Variants in ACSS3 observed in about 807,000 individuals in gnomAD.
ACSS3 encodes acyl-CoA synthetase short chain family member 3.
In ACSS3, 64 loss-of-function variants were observed where a neutral mutation model predicts 84.2. The ratio of observed to expected loss-of-function variants is 0.76; its 90% CI spans 0.62 to 0.94. ACSS3 has a LOEUF of 0.94. Among genes scored for constraint, ACSS3 ranks in the 40% least tolerant of loss-of-function variants. The probability of loss-of-function intolerance (pLI) is 0.00; values close to 1 mark genes in which losing one functional copy is unlikely to be tolerated. For synonymous variants in ACSS3, 317 were observed against 310.1 expected (o/e 1.02, Z -0.23); for missense variants, 815 against 867.6 (o/e 0.94, Z 0.76).
intron 13 of ACSS3, among the ~76,000 whole-genome samples, chr12:81,247,120 G>A (rs1053673867): frequency 6.6e-6 from 1 of 151,842 alleles, no homozygotes; most frequent in Non-Finnish European, 1.5e-5. Flanking sequence ...GTTTTTAAAC[G>A]ACTCTAAATT....
rs2034366005 is a variant in ACSS3 at position 81,257,839 on chromosome 12, C to G, written c.*2917C>G. ...ATAAATTAAAACATATTTTATGCTT[C>G]TTTTTTGAGGGAAATACCTGGATCT... is the stretch of plus-strand genomic sequence containing the variant. On this transcript the variant is annotated 3_prime_UTR_variant, in exon 16 of 16. Coordinates refer to ENST00000548058, the MANE Select transcript of ACSS3 (RefSeq NM_024560.4). The G allele has an allele frequency of 4.0e-5, 6 of 151,858 alleles. No individual in the cohort carries two copies. Among genetic ancestry groups the G allele is most frequent in the Admixed American group, 3.9e-4 (6 of 15,240 alleles). 9.4% of individuals were successfully genotyped at this position (151,858 alleles called of 1,614,324 possible). A position where few individuals can be genotyped will look rare whatever the true frequency, so the allele number is the denominator to read the frequency against.
chr12:81,156,112 C>A (rs1886849839), intron 7 of ACSS3, among the ~76,000 whole-genome samples: 1 of 151,626 alleles, frequency 6.6e-6, no homozygotes, highest in South Asian at 2.1e-4. Context: ...CAGGAAAATC[C>A]CCAAACAATT....
rs1300964877 is a variant in ACSS3, at chr12:81,256,657, G to T, written c.*1735G>T. The T allele has an allele frequency of 2.0e-5, 3 of 152,114 alleles. No individual in the cohort carries two copies. Among genetic ancestry groups the T allele is most frequent in the Non-Finnish European group, 4.4e-5 (3 of 68,004 alleles). 9.4% of individuals were successfully genotyped at this position (152,114 alleles called of 1,614,324 possible). ...GTGAGAGATAAATAGATAATAGAAAGTTTATTGTTATAAAAATGACCTACA... is the reference window on the plus strand; with the variant it reads ...GTGAGAGATAAATAGATAATAGAAATTTTATTGTTATAAAAATGACCTACA... On this transcript the variant is annotated 3_prime_UTR_variant, in exon 16 of 16. Coordinates refer to ENST00000548058, the MANE Select transcript of ACSS3 (RefSeq NM_024560.4).
At chr12:81,248,672 A>T (rs1163401128) in intron 13 of ACSS3, among the ~76,000 whole-genome samples, 1 of 152,008 alleles carries the variant, frequency 6.6e-6, no homozygotes, top group Non-Finnish European at 1.5e-5. Flanking sequence ...ATAGTTAATA[A>T]CAATGTATAG....
chr12:81,200,581 A>G (rs2032052925), intron 9 of ACSS3, among the ~76,000 whole-genome samples: 1 of 152,104 alleles, frequency 6.6e-6, no homozygotes, highest in Non-Finnish European at 1.5e-5. Flanking sequence ...ATGTCCTTGA[A>G]TATTGTTCTT....
chr12:81,208,777 A>G (rs2032457341), intron 9 of ACSS3, among the ~76,000 whole-genome samples: 1 of 151,978 alleles, frequency 6.6e-6, no homozygotes, highest in South Asian at 2.1e-4. Context: ...TTATCTCCCT[A>G]AGTACACTTG....
intron 1 of ACSS3, among the ~76,000 whole-genome samples, chr12:81,080,660 T>C (rs574156479): frequency 6.3e-4 from 96 of 152,324 alleles, no homozygotes; most frequent in Non-Finnish European, 1.1e-3. Flanking sequence ...TATGACTGCA[T>C]TGGATACCTA....
At chr12:81,223,313 G>C (rs1358217777) in intron 11 of ACSS3, among the ~76,000 whole-genome samples, 2 of 152,032 alleles carry the variant, frequency 1.3e-5, no homozygotes, top group Non-Finnish European at 2.9e-5. Flanking sequence ...TTTTACTTTA[G>C]TGCCTGACAA....
chr12:81,115,936 A>C (rs1313453246), intron 2 of ACSS3, among the ~76,000 whole-genome samples: 2 of 152,164 alleles, frequency 1.3e-5, no homozygotes, highest in African/African-American at 2.4e-5. Context: ...ATTATGCAAC[A>C]GGAAGCACCA....
At chr12:81,168,540 A>C (rs529082494) in intron 7 of ACSS3, among the ~76,000 whole-genome samples, 3 of 152,188 alleles carry the variant, frequency 2.0e-5, no homozygotes, top group Non-Finnish European at 4.4e-5. Flanking sequence ...ACTGGATGAG[A>C]GTGATACTCT....
At chr12:81,219,028 C>A (rs892614121) in intron 10 of ACSS3, among the ~76,000 whole-genome samples, 1 of 151,978 alleles carries the variant, frequency 6.6e-6, no homozygotes, top group Non-Finnish European at 1.5e-5. Context: ...TTATTGAGTA[C>A]CTTATGCAAA....
intron 7 of ACSS3, among the ~76,000 whole-genome samples, chr12:81,171,253 G>T (rs1371158946): frequency 6.6e-6 from 1 of 151,982 alleles, no homozygotes; most frequent in Non-Finnish European, 1.5e-5. Flanking sequence ...AGTTTCTGAT[G>T]AAAGATCTTG....
intron 8 of ACSS3, among the ~76,000 whole-genome samples, chr12:81,189,340 G>T (rs1211270045): frequency 3.3e-5 from 5 of 152,016 alleles, no homozygotes; most frequent in Admixed American, 6.6e-5. Flanking sequence ...TTGTTCTAGA[G>T]TTTCCATGTC....
At chr12:81,200,889 C>CAAAAAAAAAAAAAAAAA (rs35916130) in intron 9 of ACSS3, among the ~76,000 whole-genome samples, 1 of 56,512 alleles carries the variant, frequency 1.8e-5, no homozygotes. Context: ...GCAAGACTGT[C>CAAAAAAAAAAAAAAAAA]AAAAAAAAAA....
chr12:81,195,098 A>G (rs1271638297), intron 8 of ACSS3, among the ~76,000 whole-genome samples: 1 of 152,016 alleles, frequency 6.6e-6, no homozygotes, highest in African/African-American at 2.4e-5. Flanking sequence ...TGGAAATGTG[A>G]TATTAAGACC....
chr12:81,084,903 CA>C (rs1483500586), intron 1 of ACSS3, among the ~76,000 whole-genome samples: 1 of 152,108 alleles, frequency 6.6e-6, no homozygotes, highest in Non-Finnish European at 1.5e-5. Flanking sequence ...GCCAGAATAG[CA>C]CATTACAGAG....
intron 1 of ACSS3, among the ~76,000 whole-genome samples, chr12:81,103,797 C>A (rs1882731356): frequency 6.6e-6 from 1 of 151,936 alleles, no homozygotes; most frequent in Non-Finnish European, 1.5e-5. Flanking sequence ...AAAAAAAATT[C>A]CAAGTTCAAG....
intron 8 of ACSS3, among the ~76,000 whole-genome samples, chr12:81,188,066 CT>C (rs2031369612): frequency 6.6e-6 from 1 of 151,778 alleles, no homozygotes. Context: ...AAAACTTATA[CT>C]TTTTTATTTA....
chr12:81,161,928 G>A (rs1450647902), intron 7 of ACSS3, among the ~76,000 whole-genome samples: 2 of 152,190 alleles, frequency 1.3e-5, no homozygotes, highest in East Asian at 3.9e-4. Flanking sequence ...GGTGGCACAT[G>A]GAAGCTTGGA....
Sources: gnomAD v4.1 joint callset for allele counts (sites outside exome capture counted in the v4.1 genomes callset) on GRCh38, gnomAD v4.1.1 for gene constraint, MANE v1.5 for transcripts, NCBI Gene and HGNC (gene_info 2026-07-23, HGNC 2026-07-21) for gene names.